MINDY3: variants seen among roughly 807,000 people sequenced by gnomAD.
MINDY3 encodes MINDY lysine 48 deubiquitinase 3.
MINDY3 carries 38 observed loss-of-function variants against 69.2 expected under a neutral mutation model. The ratio of observed to expected loss-of-function variants is 0.55; its 90% CI spans 0.42 to 0.72. MINDY3 has a LOEUF of 0.72. Ranked by LOEUF, MINDY3 falls within the 30% of genes least tolerant of loss-of-function variation. The pLI is 0.00. For synonymous variants in MINDY3, 192 were observed against 180.1 expected (o/e 1.07, Z -0.53); for missense variants, 522 against 519.0 (o/e 1.01, Z -0.06).
chr10:15,817,193 C>T lies in MINDY3; in HGVS notation c.802-278G>A, dbSNP rs113634978. Reference sequence around the variant, plus strand: ...TAACTATTTAGCCCTAAGAGTCATTCTCAGGTTTTGCTAAAGTTCCTAGAT... The same window carrying T: ...TAACTATTTAGCCCTAAGAGTCATTTTCAGGTTTTGCTAAAGTTCCTAGAT... On this transcript the variant is annotated intron_variant, in intron 9 of 14. Coordinates refer to ENST00000277632, the MANE Select transcript of MINDY3 (RefSeq NM_024948.4). 621 of 279,422 alleles carry T rather than the reference C, an allele frequency of 2.2e-3. 6 individuals carry two copies. The highest frequency in any genetic ancestry group is 0.013 in the African/African-American group (589 of 45,808). 17.3% of individuals were successfully genotyped at this position (279,422 alleles called of 1,614,324 possible).
chr10:15,802,362 T>C (rs1317851833), intron 10 of MINDY3, among the ~76,000 whole-genome samples: 1 of 152,224 alleles, frequency 6.6e-6, no homozygotes, highest in South Asian at 2.1e-4. Context: ...TTCAGGAAAC[T>C]TATAATCATG....
intron 8 of MINDY3, among the ~76,000 whole-genome samples, chr10:15,831,762 G>T (rs552105357): frequency 4.6e-4 from 67 of 145,068 alleles, no homozygotes; most frequent in African/African-American, 1.7e-3. Context: ...TGCAACCTCC[G>T]CCTCCCGGGT....
At chr10:15,817,727 T>G (rs1363094913) in intron 9 of MINDY3, 2 of 152,222 alleles carry the variant, frequency 1.3e-5, no homozygotes, top group Non-Finnish European at 2.9e-5. Flanking sequence ...CATTTTCCTT[T>G]TTCTTACAGA....
At chr10:15,851,319 A>C (rs947666735) in intron 1 of MINDY3, among the ~76,000 whole-genome samples, 6 of 152,238 alleles carry the variant, frequency 3.9e-5, no homozygotes, top group African/African-American at 1.4e-4. Context: ...AGCCCAGATT[A>C]GGACTCCAGA....
At chr10:15,835,038 A>T (rs1309100145) in intron 6 of MINDY3, among the ~76,000 whole-genome samples, 1 of 152,150 alleles carries the variant, frequency 6.6e-6, no homozygotes, top group East Asian at 1.9e-4. Context: ...CGATAGAGAT[A>T]TAACATTAAA....
chr10:15,804,127 G>A (rs1838460101), intron 10 of MINDY3, among the ~76,000 whole-genome samples: 1 of 152,054 alleles, frequency 6.6e-6, no homozygotes. Context: ...TTTTATCAGA[G>A]GAATTTATAT....
At chr10:15,822,617 G>A (rs1564496809) in intron 8 of MINDY3, among the ~76,000 whole-genome samples, 3 of 152,164 alleles carry the variant, frequency 2.0e-5, no homozygotes, top group Admixed American at 6.5e-5. Context: ...TTCTGGACTC[G>A]TGTGAAGAGG....
chr10:15,779,685 G>A (rs910643988), intron 14 of MINDY3, among the ~76,000 whole-genome samples: 2 of 152,070 alleles, frequency 1.3e-5, no homozygotes, highest in Non-Finnish European at 2.9e-5. Flanking sequence ...AAATATTCCT[G>A]AAATGCAATT....
intron 10 of MINDY3, among the ~76,000 whole-genome samples, chr10:15,812,093 C>T (rs1227051766): frequency 6.6e-6 from 1 of 152,124 alleles, no homozygotes; most frequent in African/African-American, 2.4e-5. Flanking sequence ...AGGTGCCCAG[C>T]ACCACGCCTG....
intron 2 of MINDY3, among the ~76,000 whole-genome samples, chr10:15,844,588 G>A (rs1459967955): frequency 6.6e-6 from 1 of 152,050 alleles, no homozygotes; most frequent in African/African-American, 2.4e-5. Context: ...GCATTAGGTT[G>A]CTTGCAATTT....
intron 9 of MINDY3, 116 bp from the exon 10 acceptor site, chr10:15,817,031 T>C (rs1344075772): frequency 3.9e-6 from 3 of 762,024 alleles, no homozygotes; most frequent in Non-Finnish European, 4.4e-6. Flanking sequence ...ACTGAAATAA[T>C]GTATTGTGCC....
chr10:15,823,824 G>C (rs1195448158), intron 8 of MINDY3, among the ~76,000 whole-genome samples: 3 of 152,010 alleles, frequency 2.0e-5, no homozygotes, highest in Non-Finnish European at 4.4e-5. Context: ...CCCAGTCTCT[G>C]TTATCTATCA....
chr10:15,841,266 G>T (rs1408234147), intron 4 of MINDY3, among the ~76,000 whole-genome samples, 160 bp downstream of exon 4: 1 of 150,990 alleles, frequency 6.6e-6, no homozygotes, highest in African/African-American at 2.4e-5. Context: ...TAAAATAAAT[G>T]ATATGGAAAT....
intron 2 of MINDY3, among the ~76,000 whole-genome samples, chr10:15,844,132 C>T (rs894233984): frequency 1.3e-5 from 2 of 152,088 alleles, no homozygotes; most frequent in African/African-American, 2.4e-5. Context: ...AAGTTTGCAG[C>T]GAAGATTATA....
chr10:15,831,673 C>CTTTT (rs10716234), intron 8 of MINDY3, among the ~76,000 whole-genome samples: 7 of 121,376 alleles, frequency 5.8e-5, no homozygotes, highest in African/African-American at 1.4e-4. Context: ...GCCTCCTTTT[C>CTTTT]TTTTTTTTTT....
At chr10:15,851,666 C>T (rs1312749771) in intron 1 of MINDY3, among the ~76,000 whole-genome samples, 1 of 151,960 alleles carries the variant, frequency 6.6e-6, no homozygotes, top group African/African-American at 2.4e-5. Flanking sequence ...AATCTTTGAC[C>T]TTAAATACTG....
At position 15,779,112 on chromosome 10, in the gene MINDY3, C is replaced by T. The variant is rs1836314843; in HGVS notation, c.1218G>A (p.Val406=). 6.2e-7 allele frequency: 1 copy of T among 1,613,458 alleles called. No individual in the cohort carries two copies. The highest frequency in any genetic ancestry group is 1.3e-5 in the African/African-American group (1 of 74,856). The change falls in exon 15 of 15, where the codon GTG becomes GTA. Residue 406 remains valine (V), a synonymous_variant. Coordinates refer to ENST00000277632, the MANE Select transcript of MINDY3 (RefSeq NM_024948.4). ...GTAGCATGGGATCTTCAAAACCCAT[C>T]ACAACTGCAGTCCCTTCTACGTACA... The part of the protein sequence containing the change: ...KVMYVEGTAV[V]MGFEDPMLQT...
rs770159046 is a variant in MINDY3 at position 15,838,287 on chromosome 10, T to C, written c.410-8A>G. 2 of 1,599,090 alleles carry C rather than the reference T, an allele frequency of 1.3e-6. No homozygotes were observed. The highest frequency in any genetic ancestry group is 1.1e-5 in the South Asian group (1 of 88,574). On this transcript the variant is annotated splice_region_variant and splice_polypyrimidine_tract_variant and intron_variant, in intron 4 of 14. Transcript: ENST00000277632. ...CTTCGACAGCCAAGGCAGCTATACA[T>C]AAAAGACACTTTTCAGCACTACACA...
At chr10:15,854,704 A>G (rs1263816379) in intron 1 of MINDY3, among the ~76,000 whole-genome samples, 1 of 152,106 alleles carries the variant, frequency 6.6e-6, no homozygotes, top group Admixed American at 6.5e-5. Flanking sequence ...AGAAGCACTG[A>G]GGGCTCAGCT....
Sources: gnomAD v4.1 joint callset for allele counts (sites outside exome capture counted in the v4.1 genomes callset) on GRCh38, gnomAD v4.1.1 for gene constraint, MANE v1.5 for transcripts, NCBI Gene and HGNC (gene_info 2026-07-23, HGNC 2026-07-21) for gene names.